Variants in NBAS observed in about 807,000 individuals in gnomAD.
The protein encoded by NBAS is NBAS subunit of NRZ tethering complex.
NBAS carries 219 observed loss-of-function variants against 302.5 expected under a neutral mutation model. The ratio of observed to expected loss-of-function variants is 0.72; its 90% CI spans 0.65 to 0.81. NBAS has a LOEUF of 0.81. Among genes scored for constraint, NBAS ranks in the 30% least tolerant of loss-of-function variants. NBAS has a pLI of 0.00. For synonymous variants in NBAS, 1,118 were observed against 1,021.6 expected (o/e 1.09, Z -1.80); for missense variants, 2,932 against 2,841.6 (o/e 1.03, Z -0.72).
At chr2:15,524,614 T>C (rs1338463983) in intron 9 of NBAS, among the ~76,000 whole-genome samples, 1 of 152,158 alleles carries the variant, frequency 6.6e-6, no homozygotes, top group Non-Finnish European at 1.5e-5. Flanking sequence ...CTATAATCAA[T>C]GGAAGGGAGA....
chr2:15,397,452 G>C (rs1431438201), intron 26 of NBAS: 2 of 468,260 alleles, frequency 4.3e-6, no homozygotes, highest in African/African-American at 2.0e-5. Flanking sequence ...GGCTTTGGTG[G>C]GGGTTGTGGG....
At chr2:15,541,160 T>A (rs1034726923) in intron 6 of NBAS, among the ~76,000 whole-genome samples, 1 of 152,188 alleles carries the variant, frequency 6.6e-6, no homozygotes, top group Non-Finnish European at 1.5e-5. Context: ...CACCAAATAT[T>A]CTGTACATAC....
chr2:15,555,460 T>G (rs1664602612), intron 3 of NBAS, among the ~76,000 whole-genome samples: 1 of 152,072 alleles, frequency 6.6e-6, no homozygotes, highest in South Asian at 2.1e-4. Flanking sequence ...ATGTAACATT[T>G]TGCATAAAAA....
rs780851307 is a variant in NBAS at position 15,238,718 on chromosome 2, C to T, written c.5725-32G>A. 1.9e-6 allele frequency: 3 copies of T among 1,577,576 alleles called. No homozygotes were observed. The African/African-American group carries it at 4.1e-5, about 21-fold the overall frequency. Reference sequence around the variant, plus strand: ...AAAAAGAATAGTGAGACCAAAGAACCCTGCATTATTACCTATTGCATATTC... The same window carrying T: ...AAAAAGAATAGTGAGACCAAAGAACTCTGCATTATTACCTATTGCATATTC... On this transcript the variant is annotated intron_variant, in intron 44 of 51. Coordinates refer to ENST00000281513, the MANE Select transcript of NBAS (RefSeq NM_015909.4).
At chr2:14,903,152 C>A in the NBAS span, among the ~76,000 whole-genome samples, 1 of 151,936 alleles carries the variant, frequency 6.6e-6, no homozygotes. Context: ...CGTGTAAGGG[C>A]CAACCACAAT....
At chr2:14,891,835 AC>A in the NBAS span, among the ~76,000 whole-genome samples, 1 of 152,188 alleles carries the variant, frequency 6.6e-6, no homozygotes, top group Non-Finnish European at 1.5e-5. Flanking sequence ...TACTTACTTT[AC>A]CTTCACCACA....
chr2:15,526,900 C>G (rs1374991328), intron 9 of NBAS, among the ~76,000 whole-genome samples: 1 of 151,864 alleles, frequency 6.6e-6, no homozygotes, highest in African/African-American at 2.4e-5. Context: ...GAAATTTATC[C>G]CATAATAATT....
chr2:15,550,773 G>A (rs923129557), intron 6 of NBAS, among the ~76,000 whole-genome samples: 1 of 151,954 alleles, frequency 6.6e-6, no homozygotes, highest in Non-Finnish European at 1.5e-5. Flanking sequence ...TTTTAGTAGA[G>A]ACGGGGTTTC....
At chr2:15,447,077 C>T (rs181961680) in intron 21 of NBAS, among the ~76,000 whole-genome samples, 39 of 152,146 alleles carry the variant, frequency 2.6e-4, no homozygotes, top group Non-Finnish European at 4.7e-4. Context: ...TACCAAATGC[C>T]AACACACGGG....
chr2:15,134,447 T>A, the NBAS span, among the ~76,000 whole-genome samples: 3 of 151,874 alleles, frequency 2.0e-5, no homozygotes, highest in African/African-American at 7.3e-5. Context: ...CTAAACAAAC[T>A]AAGACTCTCT....
the NBAS span, among the ~76,000 whole-genome samples, chr2:14,993,933 C>T: frequency 3.9e-5 from 6 of 152,150 alleles, no homozygotes; most frequent in African/African-American, 9.7e-5. Flanking sequence ...ATGACAGAGA[C>T]ATGTCCCCAG....
At chr2:14,887,202 G>A in the NBAS span, among the ~76,000 whole-genome samples, 1 of 152,082 alleles carries the variant, frequency 6.6e-6, no homozygotes, top group Admixed American at 6.5e-5. Flanking sequence ...TCAGGAGTTC[G>A]AGACCAGCCT....
the NBAS span, among the ~76,000 whole-genome samples, chr2:14,861,423 G>A: frequency 6.6e-6 from 1 of 152,212 alleles, no homozygotes; most frequent in East Asian, 1.9e-4. Flanking sequence ...AGAGACAAAA[G>A]AACAGGAAGT....
the NBAS span, among the ~76,000 whole-genome samples, chr2:14,808,237 A>C: frequency 0.4 from 60,479 of 152,080 alleles, 12,548 homozygotes; most frequent in African/African-American, 0.51. Context: ...CCAAGAACAG[A>C]GAGCTAGTAA....
intron 8 of NBAS, 30 bp downstream of exon 8, chr2:15,536,388 T>TC (rs752725801): frequency 6.2e-7 from 1 of 1,608,514 alleles, no homozygotes; most frequent in South Asian, 1.1e-5. Context: ...AAACATTATT[T>TC]CAAATATGGC....
chr2:14,989,382 AC>A, the NBAS span, among the ~76,000 whole-genome samples: 1 of 151,264 alleles, frequency 6.6e-6, no homozygotes. Context: ...ACATGGTGAA[AC>A]CCCATCTCTA....
At chr2:15,006,466 G>A in the NBAS span, among the ~76,000 whole-genome samples, 2 of 152,090 alleles carry the variant, frequency 1.3e-5, no homozygotes, top group South Asian at 4.2e-4. Flanking sequence ...TATTAAGATG[G>A]TTTTACTAAA....
At chr2:15,142,440 C>T in the NBAS span, among the ~76,000 whole-genome samples, 1 of 152,210 alleles carries the variant, frequency 6.6e-6, no homozygotes, top group African/African-American at 2.4e-5. Context: ...CAGATGACGT[C>T]AGGAGGCTTA....
At chr2:15,380,581 GAC>G (rs10557972) in intron 29 of NBAS, among the ~76,000 whole-genome samples, 93,859 of 151,636 alleles carry the variant, frequency 0.62, 29,827 homozygotes, top group Middle Eastern at 0.69. Flanking sequence ...TAAAACAAGA[GAC>G]ACTGAAGGTA....
Sources: allele counts gnomAD v4.1 joint callset (sites outside exome capture counted in the v4.1 genomes callset), GRCh38; gene constraint gnomAD v4.1.1; transcripts MANE v1.5; gene names NCBI Gene and HGNC (gene_info 2026-07-23, HGNC 2026-07-21).